TPH2: variants seen among roughly 807,000 people sequenced by gnomAD.
The protein encoded by TPH2 is tryptophan hydroxylase 2.
A neutral mutation model predicts 59.1 loss-of-function variants in TPH2; 27 were observed. The observed-to-expected ratio is 0.46, with a 90% CI of 0.34 to 0.63. The LOEUF is 0.63. TPH2 is among the 30% of genes least tolerant of loss of function. The pLI is 0.01. For synonymous variants in TPH2, 220 were observed against 210.5 expected, an observed-to-expected ratio of 1.05 and a Z score of -0.39; for missense variants, 523 against 588.3, an observed-to-expected ratio of 0.89 and a Z score of 1.15.
chr12:71,946,680 C>A (rs1466863087), intron 4 of TPH2, among the ~76,000 whole-genome samples: 1 of 152,176 alleles, frequency 6.6e-6, no homozygotes, highest in East Asian at 1.9e-4. Flanking sequence ...GAAAAGTTGT[C>A]TAAGCACTTT....
intron 5 of TPH2, among the ~76,000 whole-genome samples, chr12:71,959,951 A>C (rs987496315): frequency 6.6e-6 from 1 of 152,172 alleles, no homozygotes; most frequent in African/African-American, 2.4e-5. Flanking sequence ...GAGGCACCTT[A>C]GAAGGCAAAT....
intron 8 of TPH2, among the ~76,000 whole-genome samples, chr12:72,018,186 T>C (rs556982040): frequency 6.6e-6 from 1 of 152,220 alleles, no homozygotes; most frequent in South Asian, 2.1e-4. Context: ...GAAAGGTAGA[T>C]AGGGAATGAG....
rs1873511465 is a variant in TPH2 at position 72,024,381 on chromosome 12, A to C, written c.1164+1887A>C. ...AAAGAACTGTCTGGGGTTCACTGGA[A>C]AAGAGGATAATAATATTCAACCTAA... On this transcript the variant is annotated intron_variant, in intron 9 of 10. Coordinates refer to ENST00000333850, the MANE Select transcript of TPH2 (RefSeq NM_173353.4). 3.3e-5 allele frequency among the ~76,000 whole-genome samples: 5 copies of C among 152,224 alleles called. No homozygotes were observed. The South Asian group carries it at 1.0e-3, about 31-fold the overall frequency.
chr12:71,957,373 GT>G (rs1555211093), intron 5 of TPH2, among the ~76,000 whole-genome samples: 1 of 136,730 alleles, frequency 7.3e-6, no homozygotes, highest in Non-Finnish European at 1.5e-5. Context: ...TCTCGCTCTG[GT>G]CACCCAGGCT....
chr12:71,981,308 C>G (rs556663137), intron 7 of TPH2, among the ~76,000 whole-genome samples: 3 of 152,186 alleles, frequency 2.0e-5, no homozygotes, highest in South Asian at 2.1e-4. Flanking sequence ...TTATAAATGA[C>G]CATTTGTCAA....
Position 72,024,841 on chromosome 12 carries a change from A to G in TPH2, c.1164+2347A>G, listed in dbSNP as rs558335025. 3.3e-5 allele frequency among the ~76,000 whole-genome samples: 5 copies of G among 152,272 alleles called. No individual in the cohort carries two copies. In the East Asian group the frequency reaches 9.7e-4, roughly 29 times the overall value. ...TACCAAGAAGGGCATTGTTCACAGAATACCTTCTTGCTCTGGTCCATTACC... is the reference window on the plus strand; with the variant it reads ...TACCAAGAAGGGCATTGTTCACAGAGTACCTTCTTGCTCTGGTCCATTACC... On this transcript the variant is annotated intron_variant, in intron 9 of 10. Transcript: ENST00000333850.
intron 8 of TPH2, among the ~76,000 whole-genome samples, chr12:72,001,243 C>G (rs994460846): frequency 6.6e-6 from 1 of 152,214 alleles, no homozygotes; most frequent in South Asian, 2.1e-4. Flanking sequence ...AGATTTGTTA[C>G]TGGATCTCAG....
At chr12:72,015,390 G>A (rs1306598602) in intron 8 of TPH2, among the ~76,000 whole-genome samples, 1 of 146,648 alleles carries the variant, frequency 6.8e-6, no homozygotes, top group African/African-American at 2.5e-5. Flanking sequence ...TGCGATCTTG[G>A]TTCACTGCAA....
intron 8 of TPH2, among the ~76,000 whole-genome samples, chr12:72,000,643 A>G (rs1246182411): frequency 1.3e-5 from 2 of 152,222 alleles, no homozygotes; most frequent in Non-Finnish European, 2.9e-5. Context: ...GTAATCTTTC[A>G]TCCTTATTTC....
chr12:72,013,869 T>G (rs189442095), intron 8 of TPH2, among the ~76,000 whole-genome samples: 1 of 152,148 alleles, frequency 6.6e-6, no homozygotes, highest in Admixed American at 6.5e-5. Context: ...TTTCTAGCAT[T>G]TTTTACACTC....
At chr12:71,992,318 A>T (rs1323028731) in intron 7 of TPH2, among the ~76,000 whole-genome samples, 2 of 152,214 alleles carry the variant, frequency 1.3e-5, no homozygotes, top group East Asian at 3.9e-4. Context: ...GCAGTGGCTC[A>T]TGCCTGTAAT....
chr12:71,950,451 C>G (rs549655148), intron 5 of TPH2, among the ~76,000 whole-genome samples: 21 of 152,010 alleles, frequency 1.4e-4, no homozygotes, highest in Non-Finnish European at 2.5e-4. Context: ...ACAAGGTGCT[C>G]AGTAGGCTTA....
rs570555987 is a variant in TPH2 at position 71,982,646 on chromosome 12, TC to T, written c.941+3560del. 2.8e-4 allele frequency among the ~76,000 whole-genome samples: 43 copies of T among 152,364 alleles called. 1 individual carries two copies. Among genetic ancestry groups the T allele is most frequent in the African/African-American group, 9.6e-4 (40 of 41,588 alleles). ...GTCTTTGTAATGAAATCCCATTTCCTCAATTGAAAACCAACTAGAGGGCAGA... is the reference window on the plus strand; with the variant it reads ...GTCTTTGTAATGAAATCCCATTTCCTAATTGAAAACCAACTAGAGGGCAGA... On this transcript the variant is annotated intron_variant, in intron 7 of 10. Coordinates refer to ENST00000333850, the MANE Select transcript of TPH2 (RefSeq NM_173353.4).
intron 5 of TPH2, among the ~76,000 whole-genome samples, chr12:71,951,740 T>C (rs1004766052): frequency 1.3e-5 from 2 of 151,914 alleles, no homozygotes; most frequent in African/African-American, 4.8e-5. Context: ...AATGACATGA[T>C]TTCGGCCGGG....
chr12:71,968,253 A>G (rs1303105442), intron 5 of TPH2, among the ~76,000 whole-genome samples: 2 of 152,200 alleles, frequency 1.3e-5, no homozygotes, highest in Non-Finnish European at 1.5e-5. Context: ...TGGCCTTGTC[A>G]GTGACATACC....
intron 5 of TPH2, among the ~76,000 whole-genome samples, chr12:71,963,255 C>T (rs189499042): frequency 0.022 from 1,059 of 49,202 alleles, 422 homozygotes; most frequent in African/African-American, 0.058. Context: ...TTTTATCAAA[C>T]GCAGGACTCC....
At chr12:71,994,378 T>C in intron 7 of TPH2, 61 bp from the exon 8 acceptor site, 3 of 1,601,046 alleles carry the variant, frequency 1.9e-6, no homozygotes, top group Admixed American at 1.7e-5. Flanking sequence ...TAAGTCTTGT[T>C]CTACCAGTGG....
Position 71,944,657 on chromosome 12 carries a change from T to C in TPH2, c.511T>C (p.Tyr171His), listed in dbSNP as rs1389615107. The C allele has an allele frequency of 6.2e-7, 1 of 1,613,922 alleles. No individual in the cohort carries two copies. The highest frequency in any genetic ancestry group is 2.2e-5 in the East Asian group (1 of 44,874). Reference protein sequence around the residue: ...LDKCSHRVLMYGSELDADHPG... With the variant: ...LDKCSHRVLMHGSELDADHPG... ...CAAATGCTCTCACAGAGTTCTCATG[T>C]ATGGTTCTGAGCTTGATGCTGACCA... Residue 171 changes from tyrosine (Y) to histidine (H), a missense_variant, in exon 4 of 11, where the codon TAT (tyrosine) becomes CAT (histidine). Tyr to His is a moderately conservative substitution (Grantham distance 83, BLOSUM62 2). Transcript: ENST00000333850.
chr12:71,978,128 A>C (rs1872170415), intron 6 of TPH2, among the ~76,000 whole-genome samples: 2 of 152,314 alleles, frequency 1.3e-5, no homozygotes, highest in Middle Eastern at 3.4e-3. Flanking sequence ...TTACACAACA[A>C]AATCACCTAA....
Sources: allele counts gnomAD v4.1 joint callset (sites outside exome capture counted in the v4.1 genomes callset), GRCh38; gene constraint gnomAD v4.1.1; transcripts MANE v1.5; gene names NCBI Gene and HGNC (gene_info 2026-07-23, HGNC 2026-07-21).